Variants in TENM1 observed in about 807,000 individuals in gnomAD.
TENM1 encodes the protein teneurin transmembrane protein 1.
TENM1 carries 35 observed loss-of-function variants against 174.8 expected under a neutral mutation model. The observed-to-expected ratio is 0.20, with a 90% CI of 0.15 to 0.27. The LOEUF is 0.27. Ranked by LOEUF, TENM1 falls within the 10% of genes least tolerant of loss-of-function variation. The pLI is 1.00. For missense variants in TENM1, 1,633 were observed against 2,130.1 expected (o/e 0.77, Z 4.59); for synonymous variants, 781 against 798.7 (o/e 0.98, Z 0.37).
At chrX:124,886,548 TAG>T (rs57122660) in intron 3 of TENM1, among the ~76,000 whole-genome samples, 714 of 59,921 alleles carry the variant, frequency 0.012, 5 homozygotes, top group East Asian at 0.018. Context: ...TATATATATA[TAG>T]AGAGAGAGAG....
chrX:124,958,055 G>T (rs1256180039), intron 1 of TENM1, among the ~76,000 whole-genome samples: 1 of 111,543 alleles, frequency 9.0e-6, no homozygotes, highest in Non-Finnish European at 1.9e-5. Context: ...GCTAGCCTGT[G>T]TGCCTCTAGG....
chrX:125,108,849 T>C, the TENM1 span, among the ~76,000 whole-genome samples: 1 of 109,980 alleles, frequency 9.1e-6, no homozygotes, highest in Non-Finnish European at 1.9e-5. Flanking sequence ...ATAATTACAA[T>C]TATCATTGTA....
At chrX:125,158,608 A>C in the TENM1 span, among the ~76,000 whole-genome samples, 1 of 110,022 alleles carries the variant, frequency 9.1e-6, no homozygotes, top group African/African-American at 3.3e-5. Context: ...CCCTCAAAGT[A>C]ATTTTTGGGA....
intron 11 of TENM1, among the ~76,000 whole-genome samples, chrX:124,619,498 T>G (rs1427067437): frequency 8.9e-6 from 1 of 112,235 alleles, no homozygotes; most frequent in Admixed American, 9.4e-5. Flanking sequence ...ATATTTAGAT[T>G]GTTCCTAAAC....
At chrX:124,926,648 T>C (rs192833249) in intron 1 of TENM1, among the ~76,000 whole-genome samples, 11 of 111,865 alleles carry the variant, frequency 9.8e-5, no homozygotes, top group African/African-American at 3.6e-4. Context: ...ATAGATAGAT[T>C]AATGATTTTA....
chrX:124,656,997 G>A (rs1450714293), intron 6 of TENM1, among the ~76,000 whole-genome samples: 1 of 110,296 alleles, frequency 9.1e-6, no homozygotes, highest in Non-Finnish European at 1.9e-5. Flanking sequence ...TATTAATATA[G>A]GTAAATGGGA....
At chrX:124,534,007 T>C (rs1046672096) in intron 15 of TENM1, among the ~76,000 whole-genome samples, 2 of 111,909 alleles carry the variant, frequency 1.8e-5, no homozygotes, top group Non-Finnish European at 3.8e-5. Flanking sequence ...GCATGTCCAA[T>C]GTGACTCTAG....
In TENM1 at chrX:124,420,432, T is replaced by C. The variant is rs1282866996; in HGVS notation, c.4861A>G (p.Ser1621Gly). ...GACACTCTTTTCAGGACTCCATTGCTGCTTATAGTCAGCCAGTATACTTGT... is the reference window on the plus strand; with the variant it reads ...GACACTCTTTTCAGGACTCCATTGCCGCTTATAGTCAGCCAGTATACTTGT... Residue 1621 changes from serine to glycine, a missense_variant, in exon 25 of 32, where the codon AGC (serine) becomes GGC (glycine). Physicochemically the swap from Ser to Gly is moderately conservative, Grantham distance 56. This residue lies in a region of TENM1 where 807 missense variants were observed against 1,125.3 expected (regional missense o/e 0.72). Transcript: ENST00000422452. The C allele has an allele frequency of 2.5e-6, 3 of 1,212,252 alleles. No individual in the cohort carries two copies. In the South Asian group the frequency reaches 5.3e-5, roughly 21 times the overall value.
chrX:124,471,048 T>A (rs1397127015), intron 22 of TENM1, among the ~76,000 whole-genome samples: 1 of 99,913 alleles, frequency 1.0e-5, no homozygotes, highest in Admixed American at 1.2e-4. Context: ...CTTATGCCCT[T>A]ATATAGCAAT....
intron 22 of TENM1, among the ~76,000 whole-genome samples, chrX:124,461,072 A>G (rs758125207): frequency 2.6e-4 from 29 of 112,426 alleles, no homozygotes; most frequent in Non-Finnish European, 4.7e-4. Flanking sequence ...CTGTGGCTTC[A>G]TCTTCACAGA....
intron 4 of TENM1, among the ~76,000 whole-genome samples, chrX:124,729,483 T>C (rs1706708641): frequency 8.9e-6 from 1 of 112,317 alleles, no homozygotes; most frequent in African/African-American, 3.2e-5. Context: ...TCCAGGGATG[T>C]TGGAGTACAT....
chrX:124,381,791 C>CT (rs930000264), intron 31 of TENM1, among the ~76,000 whole-genome samples: 17 of 108,966 alleles, frequency 1.6e-4, no homozygotes, highest in Admixed American at 2.0e-4. Context: ...TAAAAAAAAC[C>CT]TTTTTTTTTG....
chrX:124,686,855 C>T (rs745512272), intron 5 of TENM1, among the ~76,000 whole-genome samples: 9 of 111,355 alleles, frequency 8.1e-5, no homozygotes, highest in Admixed American at 1.9e-4. Context: ...CTTTGAAAAC[C>T]GACACAAGAC....
At chrX:124,503,528 T>C (rs1319954282) in intron 19 of TENM1, 32 bp downstream of exon 22, 1 of 1,167,661 alleles carries the variant, frequency 8.6e-7, no homozygotes, top group Non-Finnish European at 1.2e-6. Flanking sequence ...ATTAGGAAAG[T>C]AGTATTCATA....
chrX:124,961,568 T>C (rs1375263569), intron 1 of TENM1, among the ~76,000 whole-genome samples: 1 of 110,971 alleles, frequency 9.0e-6, no homozygotes, highest in African/African-American at 3.3e-5. Context: ...CACTTGAGCC[T>C]ACGAGGCAGA....
At chrX:124,515,413 T>G (rs967248276) in intron 18 of TENM1, among the ~76,000 whole-genome samples, 5 of 111,757 alleles carry the variant, frequency 4.5e-5, no homozygotes, top group African/African-American at 1.6e-4. Context: ...CAAACTATCC[T>G]GTTGGCAAAT....
chrX:124,535,066 C>T (rs189073057), intron 15 of TENM1, among the ~76,000 whole-genome samples: 3 of 111,861 alleles, frequency 2.7e-5, no homozygotes, highest in Non-Finnish European at 5.6e-5. Flanking sequence ...GTCCTCAGTC[C>T]TGTATGATAA....
chrX:124,408,332 G>A (rs2060486672), intron 25 of TENM1, among the ~76,000 whole-genome samples: 1 of 108,881 alleles, frequency 9.2e-6, no homozygotes, highest in African/African-American at 3.4e-5. Context: ...TAGTAGAGAT[G>A]TGTTTTCGCC....
the TENM1 span, among the ~76,000 whole-genome samples, chrX:124,982,531 G>A: frequency 9.0e-6 from 1 of 111,424 alleles, no homozygotes; most frequent in Admixed American, 9.6e-5. Flanking sequence ...CATCTCTGTA[G>A]ATTTTTAATG....
Sources: gnomAD v4.1 joint callset for allele counts (sites outside exome capture counted in the v4.1 genomes callset) on GRCh38, gnomAD v4.1.1 for gene constraint, gnomAD v4.1.1 regional missense constraint, MANE v1.5 for transcripts, NCBI Gene and HGNC (gene_info 2026-07-23, HGNC 2026-07-21) for gene names.